Variants in SNAP91 observed in about 807,000 individuals in gnomAD.
SNAP91 encodes synaptosome associated protein 91, also known as clathrin coat assembly protein AP180.
A neutral mutation model predicts 100.3 loss-of-function variants in SNAP91; 27 were observed. The ratio of observed to expected loss-of-function variants is 0.27; its 90% CI spans 0.20 to 0.37. The LOEUF is 0.37. Among genes scored for constraint, SNAP91 ranks in the 10% least tolerant of loss-of-function variants. The pLI is 1.00. For missense variants in SNAP91, 986 were observed against 1,123.7 expected (o/e 0.88, Z 1.75); for synonymous variants, 404 against 398.6 (o/e 1.01, Z -0.16).
chr6:83,571,254 G>A (rs1173806965), intron 26 of SNAP91, among the ~76,000 whole-genome samples: 1 of 152,134 alleles, frequency 6.6e-6, no homozygotes, highest in Non-Finnish European at 1.5e-5. Flanking sequence ...ACAGGCATGT[G>A]CCACCATGAG....
intron 2 of SNAP91, among the ~76,000 whole-genome samples, chr6:83,682,562 T>C (rs1057079385): frequency 6.6e-6 from 1 of 151,898 alleles, no homozygotes; most frequent in African/African-American, 2.4e-5. Flanking sequence ...ATCTTCTAAG[T>C]ATATATTTTT....
chr6:83,580,741 C>T (rs1827062739), intron 23 of SNAP91, 142 bp from the exon 24 acceptor site: 2 of 708,130 alleles, frequency 2.8e-6, no homozygotes, highest in Non-Finnish European at 4.5e-6. Flanking sequence ...TCACACTTTT[C>T]ATGACTGTAA....
chr6:83,629,148 C>T (rs973055511), intron 8 of SNAP91, among the ~76,000 whole-genome samples: 6 of 151,998 alleles, frequency 3.9e-5, no homozygotes, highest in African/African-American at 1.4e-4. Context: ...TTTTTGTTGG[C>T]TTTGTTGAAG....
rs916971555 is a variant in SNAP91, at chr6:83,704,495, C to T, written c.130+3303G>A. 7.9e-5 allele frequency among the ~76,000 whole-genome samples: 12 copies of T among 152,138 alleles called. No homozygotes were observed. In the East Asian group the frequency reaches 2.1e-3, roughly 27 times the overall value. ...CCTTTTCACCAGATATAATTCTGCC[C>T]TCAGATGTTAACAAATCATTTCTTC... is the stretch of plus-strand genomic sequence containing the variant. On this transcript the variant is annotated intron_variant, in intron 2 of 29. Coordinates refer to ENST00000369694, the MANE Select transcript of SNAP91 (RefSeq NM_001242792.2).
At chr6:83,707,167 C>T (rs2099392021) in intron 2 of SNAP91, among the ~76,000 whole-genome samples, 1 of 152,066 alleles carries the variant, frequency 6.6e-6, no homozygotes, top group African/African-American at 2.4e-5. Context: ...ACAAAGTGTG[C>T]CAGGATGTGT....
At chr6:83,576,002 A>G (rs1437343497) in intron 25 of SNAP91, 21 bp downstream of exon 25, 3 of 1,357,432 alleles carry the variant, frequency 2.2e-6, no homozygotes, top group Admixed American at 2.4e-5. Flanking sequence ...AAAGGAAATC[A>G]CATAATTTCC....
intron 13 of SNAP91, 113 bp from the exon 14 acceptor site, chr6:83,605,916 A>G: frequency 1.1e-6 from 1 of 935,338 alleles, no homozygotes; most frequent in Non-Finnish European, 1.6e-6. Context: ...TAAATCCAAT[A>G]AAAGAATAAT....
At chr6:83,591,428 AATG>A in intron 21 of SNAP91, 134 bp from the exon 22 acceptor site, 1 of 581,140 alleles carries the variant, frequency 1.7e-6, no homozygotes. Flanking sequence ...GGGTGTGTGA[AATG>A]ATCACATGAA....
At chr6:83,611,633 A>G (rs1470838944) in intron 11 of SNAP91, among the ~76,000 whole-genome samples, 1 of 152,178 alleles carries the variant, frequency 6.6e-6, no homozygotes, top group Non-Finnish European at 1.5e-5. Flanking sequence ...AATTTTGTAC[A>G]ATATTATGAA....
chr6:83,610,430 T>C (rs958560260), intron 12 of SNAP91, among the ~76,000 whole-genome samples: 20 of 151,294 alleles, frequency 1.3e-4, no homozygotes, highest in African/African-American at 4.8e-4. Context: ...GAAAGTAGAA[T>C]GGTGGTTGCC....
At chr6:83,656,122 G>C (rs1000380092) in intron 7 of SNAP91, among the ~76,000 whole-genome samples, 2 of 152,132 alleles carry the variant, frequency 1.3e-5, no homozygotes, top group Admixed American at 1.3e-4. Flanking sequence ...CTGTTGGCCT[G>C]GATGATAAGG....
chr6:83,679,168 C>T (rs922165714), intron 2 of SNAP91, among the ~76,000 whole-genome samples: 4 of 152,028 alleles, frequency 2.6e-5, no homozygotes, highest in Admixed American at 2.6e-4. Context: ...TGACTTAAAG[C>T]ACACAGGAGA....
chr6:83,583,414 A>T (rs1831301281), intron 22 of SNAP91, among the ~76,000 whole-genome samples: 1 of 152,232 alleles, frequency 6.6e-6, no homozygotes, highest in African/African-American at 2.4e-5. Flanking sequence ...ACTTTTGAAT[A>T]TAAAAGGTGA....
chr6:83,593,861 CTCCTTGGATTTAACTACTA>C, intron 17 of SNAP91, 120 bp from the exon 18 acceptor site: 1 of 1,399,612 alleles, frequency 7.1e-7, no homozygotes, highest in Middle Eastern at 2.3e-4. Context: ...AGGTGTGAGG[CTCCTTGGATTTAACTACTA>C]TCCTACTGGC....
At chr6:83,679,830 T>C (rs897386242) in intron 2 of SNAP91, among the ~76,000 whole-genome samples, 3 of 152,206 alleles carry the variant, frequency 2.0e-5, no homozygotes, top group Admixed American at 6.5e-5. Flanking sequence ...AATCAGAATA[T>C]AGTTCTAGAA....
intron 26 of SNAP91, among the ~76,000 whole-genome samples, chr6:83,566,860 T>C (rs372588575): frequency 6.6e-6 from 1 of 152,206 alleles, no homozygotes; most frequent in Non-Finnish European, 1.5e-5. Flanking sequence ...CAACAAAATA[T>C]ATTTTGTTGT....
At chr6:83,562,520 T>C (rs1789548503) in intron 26 of SNAP91, among the ~76,000 whole-genome samples, 1 of 152,202 alleles carries the variant, frequency 6.6e-6, no homozygotes, top group South Asian at 2.1e-4. Context: ...CAGGGCTTAG[T>C]CACTCTTGAT....
At chr6:83,699,233 A>G (rs370656558) in intron 2 of SNAP91, among the ~76,000 whole-genome samples, 72 of 152,314 alleles carry the variant, frequency 4.7e-4, no homozygotes, top group African/African-American at 1.7e-3. Context: ...AACAATAGAA[A>G]CAGAACTTCA....
chr6:83,580,480 G>T lies in SNAP91; in HGVS notation c.2269C>A (p.Leu757Ile). 2 of 1,612,784 alleles carry T rather than the reference G, an allele frequency of 1.2e-6. No individual in the cohort carries two copies. Among genetic ancestry groups the T allele is most frequent in the Non-Finnish European group, 1.7e-6 (2 of 1,179,472 alleles). Reference sequence around the variant, plus strand: ...ACTAAGCTGGCAAGAGATGAATCAAGATCACTTCCAAGGGCTTTGCTGGCT... The same window carrying T: ...ACTAAGCTGGCAAGAGATGAATCAATATCACTTCCAAGGGCTTTGCTGGCT... ...MAASKALGSD[L>I]DSSLASLVGN... Residue 757 changes from leucine to isoleucine, a missense_variant, in exon 24 of 30, where the codon CTT becomes ATT. Leu to Ile is a conservative substitution (Grantham distance 5, BLOSUM62 2). Around this residue, in one of 4 missense-constraint regions of SNAP91, gnomAD observed 575 missense variants for 579.9 expected, o/e 0.99. Transcript: ENST00000369694.
Sources: allele counts gnomAD v4.1 joint callset (sites outside exome capture counted in the v4.1 genomes callset), GRCh38; gene constraint gnomAD v4.1.1; regional missense constraint gnomAD v4.1.1; transcripts MANE v1.5; gene names NCBI Gene and HGNC (gene_info 2026-07-23, HGNC 2026-07-21).